The following WWC2 variants were observed in gnomAD, a reference collection of about 807,000 sequenced individuals.
The protein encoded by WWC2 is WW and C2 domain containing 2.
WWC2 carries 101 observed loss-of-function variants against 138.5 expected under a neutral mutation model. That is an observed-to-expected ratio of 0.73 (90% CI 0.62 to 0.86). The LOEUF (loss-of-function observed/expected upper bound fraction) is 0.86. WWC2 is among the 40% of genes least tolerant of loss of function. The pLI, the probability that WWC2 is intolerant of heterozygous loss-of-function variation, is 0.00. For synonymous variants in WWC2, 558 were observed against 538.4 expected (o/e 1.04, Z -0.50); for missense variants, 1,420 against 1,419.4 (o/e 1.00, Z -0.01).
At chr4:183,128,257 TGAACTTG>T (rs1353330007) in intron 1 of WWC2, among the ~76,000 whole-genome samples, 1 of 152,080 alleles carries the variant, frequency 6.6e-6, no homozygotes, top group Non-Finnish European at 1.5e-5. Flanking sequence ...AAGAATTGCT[TGAACTTG>T]GAAGGCAGAG....
intron 1 of WWC2, 22 bp downstream of exon 1, chr4:183,099,644 GC>G: frequency 7.7e-7 from 1 of 1,294,774 alleles, no homozygotes; most frequent in Non-Finnish European, 1.0e-6. Context: ...CCGCGGGGGC[GC>G]GGGCCCGTTC....
chr4:183,107,342 AG>A (rs1743400151), intron 1 of WWC2, among the ~76,000 whole-genome samples: 1 of 151,976 alleles, frequency 6.6e-6, no homozygotes, highest in African/African-American at 2.4e-5. Context: ...TTGTATTTTT[AG>A]TAGAGACGGG....
chr4:183,136,177 C>T (rs909435747), intron 1 of WWC2, among the ~76,000 whole-genome samples: 1 of 152,144 alleles, frequency 6.6e-6, no homozygotes, highest in African/African-American at 2.4e-5. Flanking sequence ...AAAGGCTTTA[C>T]ATAGTATCTC....
Position 183,262,740 on chromosome 4 carries a change from C to A in WWC2, c.1909+1208C>A, listed in dbSNP as rs77240392. Among the ~76,000 whole-genome samples the A allele has an allele frequency of 1.7e-4, 26 of 152,292 alleles. No individual in the cohort carries two copies. The East Asian group carries it at 3.3e-3, about 19-fold the overall frequency. ...CAACAAAACAGAAAGCCGCGTGGGG[C>A]CTTCACCACTGCTTCTGGGAAGGAG... On this transcript the variant is annotated intron_variant, in intron 11 of 22. Transcript: ENST00000403733.
intron 1 of WWC2, among the ~76,000 whole-genome samples, chr4:183,159,877 C>T (rs147658189): frequency 6.6e-6 from 1 of 151,526 alleles, no homozygotes; most frequent in African/African-American, 2.4e-5. Context: ...TCTGCTTTTC[C>T]CTAAAGTTTC....
At chr4:183,184,183 T>C (rs535090942) in intron 1 of WWC2, among the ~76,000 whole-genome samples, 14 of 152,358 alleles carry the variant, frequency 9.2e-5, no homozygotes, top group Non-Finnish European at 1.5e-4. Context: ...ACTTTCCTTT[T>C]TTATGCGTTT....
intron 21 of WWC2, among the ~76,000 whole-genome samples, chr4:183,305,678 A>G (rs748156406): frequency 1.3e-5 from 2 of 152,204 alleles, no homozygotes; most frequent in Non-Finnish European, 2.9e-5. Context: ...TTATTCTTCA[A>G]AAGTGAAGGA....
At position 183,269,025 on chromosome 4, in the gene WWC2, C is replaced by T. The variant is rs1737604241; in HGVS notation, c.2262C>T (p.Arg754=). 6.2e-7 allele frequency: 1 copy of T among 1,613,780 alleles called. No homozygotes were observed. The highest frequency in any genetic ancestry group is 1.3e-5 in the African/African-American group (1 of 74,926). Residue 754 remains arginine (R), a synonymous_variant, in exon 15 of 23, where the codon CGC becomes CGT. Transcript: ENST00000403733. ...PSSTDVSCLF[R]TKVHPPTESI... ...CAACTGATGTCAGCTGTCTGTTTCG[C>T]ACAAAAGTTCATCCGCCCACAGAAT...
chr4:183,272,273 C>T (rs538157937), intron 16 of WWC2, among the ~76,000 whole-genome samples: 4 of 152,242 alleles, frequency 2.6e-5, no homozygotes, highest in South Asian at 2.1e-4. Flanking sequence ...ACAAACATAA[C>T]GGTACATTTT....
chr4:183,196,965 G>T (rs1004960638), intron 2 of WWC2, among the ~76,000 whole-genome samples: 1 of 152,056 alleles, frequency 6.6e-6, no homozygotes, highest in Non-Finnish European at 1.5e-5. Flanking sequence ...TTTTTTGTAT[G>T]TTTTCCTCAC....
chr4:183,206,450 A>T (rs1009368498), intron 2 of WWC2, among the ~76,000 whole-genome samples: 9 of 152,194 alleles, frequency 5.9e-5, no homozygotes, highest in African/African-American at 1.7e-4. Context: ...CTTAAGTCAC[A>T]ATACCATAGT....
At chr4:183,103,434 C>T (rs935005686) in intron 1 of WWC2, among the ~76,000 whole-genome samples, 3 of 149,092 alleles carry the variant, frequency 2.0e-5, no homozygotes, top group Non-Finnish European at 1.5e-5. Context: ...TCAAGCGATT[C>T]TCCTGTCTCA....
intron 1 of WWC2, among the ~76,000 whole-genome samples, chr4:183,171,792 TTATC>T (rs1561447167): frequency 6.6e-6 from 1 of 151,840 alleles, no homozygotes. Flanking sequence ...TTAAATAACT[TTATC>T]TATCTATCTT....
rs1473272914 is a variant in WWC2 at position 183,253,981 on chromosome 4, G to T, written c.1178G>T (p.Ser393Ile). The T allele has an allele frequency of 6.2e-7, 1 of 1,613,576 alleles. No homozygotes were observed. Among genetic ancestry groups the T allele is most frequent in the Non-Finnish European group, 8.5e-7 (1 of 1,179,736 alleles). ...EELLSVRGTP[S>I]RALAERLRLE... ...TTGCTGTCTGTGAGGGGAACACCAA[G>T]CAGAGCTCTGGCCGAGAGGTTTGTT... Residue 393 changes from serine (S) to isoleucine (I), a missense_variant, in exon 9 of 23, where the codon AGC becomes ATC. Transcript: ENST00000403733.
chr4:183,304,851 C>T (rs890806488), intron 21 of WWC2, among the ~76,000 whole-genome samples: 8 of 152,150 alleles, frequency 5.3e-5, no homozygotes, highest in Non-Finnish European at 1.2e-4. Flanking sequence ...TGGGTTTGAA[C>T]TAAAAATTAT....
intron 4 of WWC2, among the ~76,000 whole-genome samples, chr4:183,212,094 T>G (rs370754673): frequency 5.3e-5 from 8 of 152,226 alleles, no homozygotes; most frequent in African/African-American, 1.4e-4. Flanking sequence ...GTGCTGGGAT[T>G]ACAGGTGTAA....
chr4:183,310,157 C>G (rs990246985), intron 21 of WWC2, among the ~76,000 whole-genome samples: 2 of 152,264 alleles, frequency 1.3e-5, no homozygotes, highest in Non-Finnish European at 2.9e-5. Flanking sequence ...TTTGCCAAAA[C>G]CCATTGAATG....
At chr4:183,254,035 C>T in intron 9 of WWC2, 36 bp downstream of exon 9, 2 of 1,600,290 alleles carry the variant, frequency 1.2e-6, no homozygotes, top group Non-Finnish European at 8.5e-7. Context: ...CAGCTTAACT[C>T]TTGTGGGGGT....
At chr4:183,150,876 T>C (rs1733618918) in intron 1 of WWC2, among the ~76,000 whole-genome samples, 1 of 152,210 alleles carries the variant, frequency 6.6e-6, no homozygotes, top group South Asian at 2.1e-4. Flanking sequence ...ACTCATCCTT[T>C]TTTATGGCTG....
Sources: allele counts gnomAD v4.1 joint callset (sites outside exome capture counted in the v4.1 genomes callset), GRCh38; gene constraint gnomAD v4.1.1; transcripts MANE v1.5; gene names NCBI Gene and HGNC (gene_info 2026-07-23, HGNC 2026-07-21).